Variants in EFCAB3 observed in about 807,000 individuals in gnomAD.
EFCAB3 encodes the protein EF-hand calcium-binding domain-containing protein 3.
In EFCAB3, 36 loss-of-function variants were observed where a neutral mutation model predicts 42.2. The ratio of observed to expected loss-of-function variants is 0.85; its 90% CI spans 0.65 to 1.13. EFCAB3 has a LOEUF of 1.13. Ranked by LOEUF, EFCAB3 falls within the 50% of genes most tolerant of loss-of-function variation. The pLI is 0.00. For synonymous variants in EFCAB3, 170 were observed against 172.8 expected, an observed-to-expected ratio of 0.98 and a Z score of 0.13; for missense variants, 418 against 505.1, an observed-to-expected ratio of 0.83 and a Z score of 1.65.
chr17:62,400,956 A>T lies in EFCAB3; in HGVS notation c.489-5524A>T, dbSNP rs553887549. On this transcript the variant is annotated intron_variant, in intron 6 of 9. Coordinates refer to ENST00000305286, the MANE Select transcript of EFCAB3 (RefSeq NM_173503.4). The stretch of plus-strand genomic sequence containing the variant: ...GATTTTTAATGACTTTAATGATTTT[A>T]ATGACTTTTTAATGATTGCCATTCT... 6.5e-4 allele frequency among the ~76,000 whole-genome samples: 98 copies of T among 151,814 alleles called. No individual in the cohort carries two copies. In the South Asian group the frequency reaches 0.02, roughly 31 times the overall value.
At chr17:62,388,906 T>C (rs921812461) in intron 3 of EFCAB3, among the ~76,000 whole-genome samples, 5 of 152,230 alleles carry the variant, frequency 3.3e-5, no homozygotes, top group Non-Finnish European at 5.9e-5. Flanking sequence ...TGCCTTAAGA[T>C]ACTTTGGTAC....
intron 2 of EFCAB3, among the ~76,000 whole-genome samples, chr17:62,385,987 T>A (rs1018384654): frequency 6.6e-6 from 1 of 151,648 alleles, no homozygotes; most frequent in East Asian, 1.9e-4. Flanking sequence ...TTGGCCTCCC[T>A]AAGTGCAGGG....
chr17:62,381,098 T>A (rs1357374862), intron 1 of EFCAB3, among the ~76,000 whole-genome samples: 1 of 151,810 alleles, frequency 6.6e-6, no homozygotes, highest in Admixed American at 6.6e-5. Context: ...GCTGCATCCA[T>A]CAACTCGTCA....
At chr17:62,399,061 C>T (rs2070378771) in intron 6 of EFCAB3, among the ~76,000 whole-genome samples, 1 of 152,140 alleles carries the variant, frequency 6.6e-6, no homozygotes, top group Admixed American at 6.6e-5. Flanking sequence ...TCACAACACT[C>T]CCTGTGCCTA....
chr17:62,391,964 T>C lies in EFCAB3; in HGVS notation c.294T>C (p.Asp98=). ...VYNELKCADI[D]RDGKVNFSDF... ...ATGAATTGAAATGTGCTGATATTGA[T>C]CGTGAGTCCTTTGGCTTCTCATTGT... Residue 98 remains aspartate, a splice_region_variant and synonymous_variant, in exon 4 of 10, where the codon GAT becomes GAC. Coordinates refer to ENST00000305286, the MANE Select transcript of EFCAB3 (RefSeq NM_173503.4). 6.3e-7 allele frequency: 1 copy of C among 1,597,828 alleles called. No homozygotes were observed. The highest frequency in any genetic ancestry group is 8.5e-7 in the Non-Finnish European group (1 of 1,170,268).
intron 4 of EFCAB3, 39 bp from the exon 5 acceptor site, chr17:62,393,534 C>T: frequency 6.8e-7 from 1 of 1,469,592 alleles, no homozygotes; most frequent in Non-Finnish European, 9.5e-7. Context: ...AATTAAAATA[C>T]ATCTTATCCT....
upstream of EFCAB3, chr17:62,378,053 G>A (rs2070164129): frequency 6.6e-7 from 1 of 1,519,206 alleles, no homozygotes; most frequent in Non-Finnish European, 8.9e-7. Flanking sequence ...CCATTGTAAA[G>A]ATGGGGCTTA....
Position 62,416,055 on chromosome 17 carries a change from A to C in EFCAB3, c.1043A>C (p.Lys348Thr). 4 of 1,613,932 alleles carry C rather than the reference A, an allele frequency of 2.5e-6. No homozygotes were observed. Among genetic ancestry groups the C allele is most frequent in the Non-Finnish European group, 3.4e-6 (4 of 1,179,860 alleles). ...TTAGGAATTGCCCTTGAACACCGAA[A>C]AGAGATGCTAAACCTCTGGCAGAAG... ...YNLGIALEHR[K>T]EMLNLWQKIR... is the part of the protein sequence containing the mutation. The change falls in exon 10 of 10, where the codon AAA becomes ACA. Residue 348 changes from lysine (K) to threonine (T), a missense_variant. Lys to Thr is a moderately conservative substitution (Grantham distance 78). Transcript: ENST00000305286.
chr17:62,381,679 T>A, intron 1 of EFCAB3: 1 of 206,342 alleles, frequency 4.8e-6, no homozygotes, highest in South Asian at 6.9e-5. Flanking sequence ...GTGCGCTCGG[T>A]CACCTCCCTC....
intron 1 of EFCAB3, among the ~76,000 whole-genome samples, chr17:62,381,104 C>T (rs575296495): frequency 5.9e-5 from 9 of 151,670 alleles, no homozygotes; most frequent in African/African-American, 1.5e-4. Flanking sequence ...TCCATCAACT[C>T]GTCATTTAAC....
Position 62,383,067 on chromosome 17 carries a change from G to A in EFCAB3, c.74+14G>A. 1 of 1,579,238 alleles carries A rather than the reference G, an allele frequency of 6.3e-7. No homozygotes were observed. Among genetic ancestry groups the A allele is most frequent in the Non-Finnish European group, 8.7e-7 (1 of 1,153,476 alleles). ...CCACAATAAAAGGTAGGTAATGAATGATTAAGGGTGATAAATGTATTATGA... is the reference window on the plus strand; with the variant it reads ...CCACAATAAAAGGTAGGTAATGAATAATTAAGGGTGATAAATGTATTATGA... On this transcript the variant is annotated intron_variant, in intron 2 of 9. Coordinates refer to ENST00000305286, the MANE Select transcript of EFCAB3 (RefSeq NM_173503.4).
At position 62,386,964 on chromosome 17, in the gene EFCAB3, T is replaced by A. The variant is rs566936995; in HGVS notation, c.75-376T>A. ...CCACCACACCTGGCTAATTTTTTTT[T>A]ATGTTTTTGTAGAGACAGGGTCTTG... On this transcript the variant is annotated intron_variant, in intron 2 of 9. Coordinates refer to ENST00000305286, the MANE Select transcript of EFCAB3 (RefSeq NM_173503.4). 8.6e-5 allele frequency among the ~76,000 whole-genome samples: 13 copies of A among 152,016 alleles called. 1 individual carries two copies. Among genetic ancestry groups the A allele is most frequent in the Admixed American group, 7.2e-4 (11 of 15,286 alleles).
At chr17:62,398,389 G>A (rs1193385645) in intron 6 of EFCAB3, among the ~76,000 whole-genome samples, 3 of 151,920 alleles carry the variant, frequency 2.0e-5, no homozygotes, top group East Asian at 3.9e-4. Flanking sequence ...GGGAGGTAGA[G>A]GTTGCAGTGA....
intron 2 of EFCAB3, among the ~76,000 whole-genome samples, chr17:62,385,886 A>ATTT (rs58217905): frequency 1.1e-4 from 16 of 141,140 alleles, no homozygotes; most frequent in Middle Eastern, 3.6e-3. Flanking sequence ...TGCCCGGCTA[A>ATTT]TTTTTTTTTT....
chr17:62,406,422 TA>T, intron 6 of EFCAB3, 57 bp from the exon 7 acceptor site: 5 of 1,446,308 alleles, frequency 3.5e-6, no homozygotes, highest in Non-Finnish European at 4.6e-6. Flanking sequence ...CTTGACTTTT[TA>T]AAATTTTTGT....
intron 8 of EFCAB3, among the ~76,000 whole-genome samples, chr17:62,409,553 A>AC (rs1429254790): frequency 6.6e-6 from 1 of 151,966 alleles, no homozygotes; most frequent in Non-Finnish European, 1.5e-5. Flanking sequence ...CTAAAAATAA[A>AC]TTTTTTAATT....
intron 6 of EFCAB3, among the ~76,000 whole-genome samples, chr17:62,395,702 A>G (rs545772447): frequency 5.9e-5 from 9 of 152,358 alleles, no homozygotes; most frequent in Admixed American, 2.0e-4. Context: ...CTCATCCTTT[A>G]AACCTTTAAT....
intron 1 of EFCAB3, among the ~76,000 whole-genome samples, chr17:62,382,380 C>T (rs1327745397): frequency 6.6e-6 from 1 of 151,874 alleles, no homozygotes; most frequent in Non-Finnish European, 1.5e-5. Context: ...TCACCACAAT[C>T]AATCTAATTA....
intron 8 of EFCAB3, among the ~76,000 whole-genome samples, chr17:62,409,744 T>C (rs920049569): frequency 3.4e-4 from 51 of 151,752 alleles, no homozygotes; most frequent in Admixed American, 7.9e-4. Flanking sequence ...TTATACTACA[T>C]GCATACATAT....
Sources: gnomAD v4.1 joint callset for allele counts (sites outside exome capture counted in the v4.1 genomes callset) on GRCh38, gnomAD v4.1.1 for gene constraint, MANE v1.5 for transcripts, NCBI Gene and HGNC (gene_info 2026-07-23, HGNC 2026-07-21) for gene names.